Variants in NCKAP5 observed in about 807,000 individuals in gnomAD.
The protein encoded by NCKAP5 is nck-associated protein 5.
NCKAP5 carries 92 observed loss-of-function variants against 167.0 expected under a neutral mutation model. That is an observed-to-expected ratio of 0.55 (90% CI 0.47 to 0.66). NCKAP5 has a LOEUF of 0.66. Among genes scored for constraint, NCKAP5 ranks in the 30% least tolerant of loss-of-function variants. The pLI, the probability that NCKAP5 is intolerant of heterozygous loss-of-function variation, is 0.00. For synonymous variants in NCKAP5, 891 were observed against 877.4 expected (o/e 1.02, Z -0.27); for missense variants, 2,378 against 2,315.0 (o/e 1.03, Z -0.56).
intron 3 of NCKAP5, among the ~76,000 whole-genome samples, chr2:133,404,820 G>GTCT (rs747009426): frequency 6.6e-5 from 10 of 152,184 alleles, no homozygotes; most frequent in Non-Finnish European, 1.3e-4. Context: ...TGGCCCTGCT[G>GTCT]TCTTCCGCTC....
At chr2:132,894,314 G>A (rs1574545888) in intron 8 of NCKAP5, among the ~76,000 whole-genome samples, 1 of 152,228 alleles carries the variant, frequency 6.6e-6, no homozygotes. Context: ...AGCCAAAGAC[G>A]ACACTGAGTT....
In NCKAP5 at chr2:132,920,771, G is replaced by GTGTATATATA. The variant is rs1219401757; in HGVS notation, c.580-41856_580-41855insTATATATACA. ...TATATATATATGTATATATATGTAT[G>GTGTATATATA]TATATATATATATATATATATATAT... On this transcript the variant is annotated intron_variant, in intron 8 of 19. Coordinates refer to ENST00000409261, the MANE Select transcript of NCKAP5 (RefSeq NM_207363.3). Among the ~76,000 whole-genome samples, 170 of 31,576 alleles carry GTGTATATATA rather than the reference G, an allele frequency of 5.4e-3. 13 individuals are homozygous for GTGTATATATA. The highest frequency in any genetic ancestry group is 8.1e-3 in the Non-Finnish European group (124 of 15,324). The allele number at this position is 31,576 out of a possible 152,430, so 20.7% of individuals were successfully genotyped here.
chr2:133,541,890 G>A (rs765226430), intron 2 of NCKAP5, among the ~76,000 whole-genome samples: 6 of 152,080 alleles, frequency 3.9e-5, no homozygotes, highest in Non-Finnish European at 5.9e-5. Context: ...GGCTGAGGAG[G>A]AAGCTGCTAC....
chr2:132,897,511 T>C (rs552425945), intron 8 of NCKAP5, among the ~76,000 whole-genome samples: 23 of 152,324 alleles, frequency 1.5e-4, no homozygotes, highest in African/African-American at 3.8e-4. Context: ...CGCAGCACTA[T>C]TGACATTTTA....
At chr2:133,073,501 A>T (rs1396090368) in intron 6 of NCKAP5, among the ~76,000 whole-genome samples, 2 of 152,236 alleles carry the variant, frequency 1.3e-5, no homozygotes, top group Admixed American at 1.3e-4. Context: ...ATTCTGGGCC[A>T]GTCTGAACAG....
chr2:133,181,990 C>T (rs1421208994), intron 5 of NCKAP5, among the ~76,000 whole-genome samples: 2 of 152,082 alleles, frequency 1.3e-5, no homozygotes, highest in South Asian at 2.1e-4. Flanking sequence ...ATCAGGTAGA[C>T]TTCAGAGCAA....
chr2:133,028,451 C>T (rs2078768717), intron 6 of NCKAP5, among the ~76,000 whole-genome samples: 1 of 152,090 alleles, frequency 6.6e-6, no homozygotes, highest in Admixed American at 6.5e-5. Flanking sequence ...CACTTGTATG[C>T]CACTGTTATT....
intron 8 of NCKAP5, among the ~76,000 whole-genome samples, chr2:132,912,352 C>T (rs1275839032): frequency 6.6e-6 from 1 of 152,140 alleles, no homozygotes; most frequent in Admixed American, 6.5e-5. Context: ...ATTCAAATAA[C>T]CCATAATAAA....
intron 8 of NCKAP5, 60 bp downstream of exon 8, chr2:132,963,660 T>C: frequency 1.3e-6 from 2 of 1,542,168 alleles, no homozygotes; most frequent in Admixed American, 1.8e-5. Context: ...CCAGTGCCAA[T>C]AAAAGAAGCA....
At chr2:132,768,238 T>C (rs763011031) in intron 16 of NCKAP5, among the ~76,000 whole-genome samples, 22 of 152,212 alleles carry the variant, frequency 1.4e-4, no homozygotes, top group Non-Finnish European at 3.2e-4. Flanking sequence ...TCTGCTTCAA[T>C]AATATTCTTC....
chr2:133,065,653 G>C (rs1378266877), intron 6 of NCKAP5, among the ~76,000 whole-genome samples: 3 of 152,060 alleles, frequency 2.0e-5, no homozygotes, highest in Non-Finnish European at 2.9e-5. Flanking sequence ...CATTAAGTTA[G>C]TTTACACCCT....
chr2:133,439,785 G>A (rs1429411842), intron 3 of NCKAP5, among the ~76,000 whole-genome samples: 1 of 152,148 alleles, frequency 6.6e-6, no homozygotes. Context: ...TCAGGTTAAA[G>A]AATGTCTTCT....
Position 132,860,531 on chromosome 2 carries a change from G to A in NCKAP5, c.768C>T (p.Phe256=). The A allele has an allele frequency of 6.3e-7, 1 of 1,587,014 alleles. No individual in the cohort carries two copies. The highest frequency in any genetic ancestry group is 8.6e-7 in the Non-Finnish European group (1 of 1,164,638). ...EQQNRTLSIL[F]QQRVRPTSDL... is the part of the protein sequence containing the mutation. ...CAGAAGTGGGTCTGACTCGCTGTTG[G>A]AATAGGATGCTTAGTGTTCGATTCT... The change falls in exon 11 of 20, where the codon TTC becomes TTT. Residue 256 remains phenylalanine (F), a synonymous_variant. Transcript: ENST00000409261.
chr2:132,795,843 A>AAAAAAAAAAAAAAG (rs1684556718), intron 12 of NCKAP5, among the ~76,000 whole-genome samples: 1 of 150,552 alleles, frequency 6.6e-6, no homozygotes, highest in Non-Finnish European at 1.5e-5. Flanking sequence ...AAAAAACAAA[A>AAAAAAAAAAAAAAG]AAAACAAAAG....
At chr2:133,223,588 T>C (rs2086750474) in intron 4 of NCKAP5, among the ~76,000 whole-genome samples, 1 of 152,186 alleles carries the variant, frequency 6.6e-6, no homozygotes, top group Non-Finnish European at 1.5e-5. Flanking sequence ...AGAAAACTTT[T>C]AGAGCCGCAA....
At position 132,785,213 on chromosome 2, in the gene NCKAP5, C is replaced by A; in HGVS notation, c.1598G>T (p.Arg533Met). 1 of 1,572,644 alleles carries A rather than the reference C, an allele frequency of 6.4e-7. No individual in the cohort carries two copies. Among genetic ancestry groups the A allele is most frequent in the Non-Finnish European group, 8.6e-7 (1 of 1,161,652 alleles). ...EGTSSVYPKE[R>M]PEKLTSCASS... ...GGCGCAACTTGTCAGCTTTTCAGGCCTTTCCTTGGGATAAACTGAGGATGT... is the reference window on the plus strand; with the variant it reads ...GGCGCAACTTGTCAGCTTTTCAGGCATTTCCTTGGGATAAACTGAGGATGT... The change falls in exon 14 of 20, where the codon AGG (arginine) becomes ATG (methionine). Residue 533 changes from arginine (R) to methionine (M), a missense_variant. Physicochemically the swap from Arg to Met is moderately conservative, Grantham distance 91. Coordinates refer to ENST00000409261, the MANE Select transcript of NCKAP5 (RefSeq NM_207363.3).
At chr2:133,028,779 C>T (rs969729542) in intron 6 of NCKAP5, among the ~76,000 whole-genome samples, 1 of 152,172 alleles carries the variant, frequency 6.6e-6, no homozygotes, top group African/African-American at 2.4e-5. Flanking sequence ...TGGGAGGTAA[C>T]TGGATCACGG....
chr2:133,184,052 G>A (rs1233662353), intron 5 of NCKAP5, among the ~76,000 whole-genome samples: 1 of 151,938 alleles, frequency 6.6e-6, no homozygotes, highest in Non-Finnish European at 1.5e-5. Flanking sequence ...TTTCAGGTAT[G>A]AATAATCCTG....
chr2:133,070,769 A>C lies in NCKAP5; in HGVS notation c.341+59209T>G, dbSNP rs79671670. Among the ~76,000 whole-genome samples the C allele has an allele frequency of 7.9e-3, 1,206 of 152,262 alleles. 11 individuals carry two copies. The highest frequency in any genetic ancestry group is 0.027 in the African/African-American group (1,102 of 41,550). ...TGAGTGTGTGTGTATGTGTGTGTGT[A>C]TCCTCCTATATAGAGGCAGAAGATT... is the stretch of plus-strand genomic sequence containing the variant. On this transcript the variant is annotated intron_variant, in intron 6 of 19. Transcript: ENST00000409261.
Sources: allele counts gnomAD v4.1 joint callset (sites outside exome capture counted in the v4.1 genomes callset), GRCh38; gene constraint gnomAD v4.1.1; transcripts MANE v1.5; gene names NCBI Gene and HGNC (gene_info 2026-07-23, HGNC 2026-07-21).